PDE1A: variants seen among roughly 807,000 people sequenced by gnomAD.
The protein encoded by PDE1A is dual specificity calcium/calmodulin-dependent 3',5'-cyclic nucleotide phosphodiesterase 1A.
PDE1A carries 35 observed loss-of-function variants against 61.7 expected under a neutral mutation model. The ratio of observed to expected loss-of-function variants is 0.57; its 90% confidence interval spans 0.43 to 0.75. PDE1A has a LOEUF of 0.75. PDE1A is among the 30% of genes least tolerant of loss of function. The probability of loss-of-function intolerance (pLI) is 0.00; values close to 1 mark genes in which losing one functional copy is unlikely to be tolerated. For missense variants in PDE1A, 597 were observed against 630.6 expected (o/e 0.95, Z 0.57); for synonymous variants, 232 against 213.2 (o/e 1.09, Z -0.77).
chr2:182,537,228 T>C, the PDE1A span, among the ~76,000 whole-genome samples: 1 of 152,206 alleles, frequency 6.6e-6, no homozygotes, highest in Admixed American at 6.5e-5. Context: ...AGATTTTACA[T>C]TGATATTGAA....
intron 10 of PDE1A, among the ~76,000 whole-genome samples, chr2:182,192,607 AAAG>A (rs1190127870): frequency 3.3e-5 from 5 of 152,116 alleles, no homozygotes; most frequent in African/African-American, 7.2e-5. Context: ...AAGCATTGTG[AAAG>A]AAGAATTTAT....
intron 2 of PDE1A, among the ~76,000 whole-genome samples, chr2:182,263,895 T>C (rs751370165): frequency 2.0e-5 from 3 of 152,274 alleles, no homozygotes; most frequent in Non-Finnish European, 2.9e-5. Context: ...CATGAGAATG[T>C]GTGGGCATAT....
intron 1 of PDE1A, among the ~76,000 whole-genome samples, chr2:182,369,752 A>G (rs1700026162): frequency 6.6e-6 from 1 of 152,246 alleles, no homozygotes; most frequent in Admixed American, 6.5e-5. Context: ...GCCAAATTGC[A>G]GTGTCATAAC....
chr2:182,212,489 T>A (rs1687710562), intron 7 of PDE1A, among the ~76,000 whole-genome samples: 1 of 152,174 alleles, frequency 6.6e-6, no homozygotes, highest in South Asian at 2.1e-4. Context: ...GATTTCTGCA[T>A]TTCCATCTGA....
the PDE1A span, among the ~76,000 whole-genome samples, chr2:182,637,587 G>C: frequency 2.0e-5 from 3 of 152,050 alleles, no homozygotes; most frequent in Non-Finnish European, 4.4e-5. Flanking sequence ...CTCAGCATAG[G>C]AGCCTGAATT....
intron 13 of PDE1A, among the ~76,000 whole-genome samples, chr2:182,178,714 G>A (rs576379456): frequency 1.3e-5 from 2 of 152,172 alleles, no homozygotes; most frequent in East Asian, 1.9e-4. Flanking sequence ...CTGAGAGAGC[G>A]CCTGCAGTAT....
chr2:182,264,597 A>G (rs995316866), intron 1 of PDE1A, among the ~76,000 whole-genome samples, 183 bp from the exon 2 acceptor site: 1 of 151,872 alleles, frequency 6.6e-6, no homozygotes, highest in Non-Finnish European at 1.5e-5. Flanking sequence ...TATGTAAGGA[A>G]TTATTAGGTA....
intron 1 of PDE1A, among the ~76,000 whole-genome samples, chr2:182,379,535 C>T (rs774716317): frequency 3.2e-4 from 48 of 152,124 alleles, no homozygotes; most frequent in Non-Finnish European, 5.6e-4. Context: ...TCTGGCTGAA[C>T]TTTAACAGCA....
Position 182,461,303 on chromosome 2 carries a change from T to A in PDE1A, c.101+60973A>T, listed in dbSNP as rs894492888. Among the ~76,000 whole-genome samples, 9 of 152,250 alleles carry A rather than the reference T, an allele frequency of 5.9e-5. No individual in the cohort carries two copies. In the South Asian group the frequency reaches 8.3e-4, roughly 14 times the overall value. Reference sequence around the variant, plus strand: ...TATATTGTACAGCCATTAAAAAAAATTTGAATACTGTCAACTAAATTGTTT... The same window carrying A: ...TATATTGTACAGCCATTAAAAAAAAATTGAATACTGTCAACTAAATTGTTT... On this transcript the variant is annotated intron_variant, in intron 2 of 14. Transcript: ENST00000410103.
chr2:182,276,905 C>T (rs1407602211), intron 1 of PDE1A, among the ~76,000 whole-genome samples: 3 of 151,980 alleles, frequency 2.0e-5, no homozygotes, highest in Non-Finnish European at 4.4e-5. Context: ...TGGTCTCCTG[C>T]AGTACCCTCG....
chr2:182,267,099 G>T (rs711808), intron 1 of PDE1A, among the ~76,000 whole-genome samples: 3 of 151,858 alleles, frequency 2.0e-5, no homozygotes, highest in African/African-American at 7.3e-5. Context: ...AGGAGACCAT[G>T]GACAAGTGCA....
At chr2:182,492,157 G>A (rs1263653063) in intron 2 of PDE1A, among the ~76,000 whole-genome samples, 1 of 152,012 alleles carries the variant, frequency 6.6e-6, no homozygotes, top group Non-Finnish European at 1.5e-5. Context: ...TGTCCAGTGG[G>A]ATAATTTCCA....
At position 182,499,360 on chromosome 2, in the gene PDE1A, T is replaced by A. The variant is rs534908696; in HGVS notation, c.101+22916A>T. Among the ~76,000 whole-genome samples, 11 of 152,042 alleles carry A rather than the reference T, an allele frequency of 7.2e-5. No homozygotes were observed. The East Asian group carries it at 2.1e-3, about 30-fold the overall frequency. On this transcript the variant is annotated intron_variant, in intron 2 of 14. Transcript: ENST00000410103. ...CTCCGCTAATTTTTTGTATTTTCAG[T>A]AGAGACAGGGTTTCACCATGTTAGC...
In PDE1A at chr2:182,188,944, A is replaced by T. The variant is rs188895565; in HGVS notation, c.1207+35T>A. 9 of 1,410,746 alleles carry T rather than the reference A, an allele frequency of 6.4e-6. No individual in the cohort carries two copies. In the Admixed American group the frequency reaches 1.5e-4, roughly 24 times the overall value. The allele number at this position is 1,410,746 out of a possible 1,614,324, so 87.4% of individuals were successfully genotyped here. A position where few individuals can be genotyped will look rare whatever the true frequency, so the allele number is the denominator to read the frequency against. ...CCCATTTGAAAACTGACAAGCACAC[A>T]CTCACTTTCCACCACCACAAATCAT... On this transcript the variant is annotated intron_variant, in intron 11 of 13. Transcript: ENST00000351439.
the PDE1A span, among the ~76,000 whole-genome samples, chr2:182,624,934 A>T: frequency 6.6e-6 from 1 of 151,152 alleles, no homozygotes; most frequent in Non-Finnish European, 1.5e-5. Context: ...TACCCTTGCA[A>T]CCCCCTGCTT....
the PDE1A span, among the ~76,000 whole-genome samples, chr2:182,549,983 C>A: frequency 6.6e-6 from 1 of 152,066 alleles, no homozygotes; most frequent in African/African-American, 2.4e-5. Flanking sequence ...TTTATTTTCA[C>A]CTTCATAGTC....
chr2:182,524,969 A>C (rs925176105), upstream of PDE1A, among the ~76,000 whole-genome samples: 6 of 151,826 alleles, frequency 4.0e-5, no homozygotes. Context: ...TTTAGTATCT[A>C]CTATTGCCAA....
chr2:182,505,267 A>T (rs947998567), intron 2 of PDE1A, among the ~76,000 whole-genome samples: 3 of 152,236 alleles, frequency 2.0e-5, no homozygotes, highest in Non-Finnish European at 4.4e-5. Flanking sequence ...AGAACTTAGG[A>T]AATTAGAACC....
At chr2:182,629,082 G>A in the PDE1A span, among the ~76,000 whole-genome samples, 1 of 152,160 alleles carries the variant, frequency 6.6e-6, no homozygotes, top group African/African-American at 2.4e-5. Flanking sequence ...TGAGACATAA[G>A]GGTGGCCTCC....
Sources: allele counts gnomAD v4.1 joint callset (sites outside exome capture counted in the v4.1 genomes callset), GRCh38; gene constraint gnomAD v4.1.1; transcripts MANE v1.5; gene names NCBI Gene and HGNC (gene_info 2026-07-23, HGNC 2026-07-21).